The following FN1 variants were observed in gnomAD, a reference collection of about 807,000 sequenced individuals.
FN1 encodes fibronectin 1.
FN1 carries 106 observed loss-of-function variants against 297.3 expected under a neutral mutation model. The observed-to-expected ratio is 0.36, with a 90% CI of 0.30 to 0.42. The LOEUF is 0.42. Ranked by LOEUF, FN1 falls within the 10% of genes least tolerant of loss-of-function variation. The probability of loss-of-function intolerance (pLI) is 1.00; values close to 1 mark genes in which losing one functional copy is unlikely to be tolerated. For missense variants in FN1, 2,690 were observed against 3,124.9 expected, an observed-to-expected ratio of 0.86 and a Z score of 3.32; for synonymous variants, 1,149 against 1,152.6, an observed-to-expected ratio of 1.00 and a Z score of 0.06.
At chr2:215,408,259 A>G in intron 16 of FN1, 39 bp downstream of exon 16, 1 of 1,614,090 alleles carries the variant, frequency 6.2e-7, no homozygotes, top group Non-Finnish European at 8.5e-7. Flanking sequence ...TGTGTTTTAC[A>G]GAAAAAGATT....
Position 215,365,736 on chromosome 2 carries a change from G to A in FN1, c.7019-106C>T, listed in dbSNP as rs1575179632. On this transcript the variant is annotated intron_variant, in intron 42 of 45. Coordinates refer to ENST00000354785, the MANE Select transcript of FN1 (RefSeq NM_212482.4). ...CACAGGGTCTTCAGAACCATGATCT[G>A]GAAAAATAGCAAGTTAAAGATAAAA... The A allele has an allele frequency of 7.3e-6, 7 of 962,938 alleles. No individual in the cohort carries two copies. The African/African-American group carries it at 9.9e-5, about 14-fold the overall frequency. The allele number at this position is 962,938 out of a possible 1,614,324, so 59.6% of individuals were successfully genotyped here.
intron 23 of FN1, 39 bp downstream of exon 23, chr2:215,397,098 T>C (rs577287465): frequency 5.7e-6 from 7 of 1,220,376 alleles, no homozygotes; most frequent in Non-Finnish European, 8.5e-6. Context: ...CTTGGGAAGG[T>C]ATGGTGTATA....
intron 43 of FN1, 85 bp from the exon 44 acceptor site, chr2:215,365,070 T>C: frequency 1.2e-6 from 1 of 852,032 alleles, no homozygotes; most frequent in South Asian, 1.4e-5. Context: ...ATTTCTGTCC[T>C]AAATTTGTAT....
intron 6 of FN1, among the ~76,000 whole-genome samples, chr2:215,426,457 T>G (rs1486336965): frequency 3.3e-5 from 5 of 152,050 alleles, no homozygotes; most frequent in Non-Finnish European, 7.4e-5. Flanking sequence ...CGATCTTTTC[T>G]TTCAACTTTT....
At chr2:215,380,444 G>A (rs2058049264) in intron 33 of FN1, 2 of 276,576 alleles carry the variant, frequency 7.2e-6, no homozygotes, top group East Asian at 8.9e-5. Flanking sequence ...TGAAATGCCC[G>A]AGTTTGGGTT....
chr2:215,394,503 G>C lies in FN1; in HGVS notation c.3796+25C>G, dbSNP rs779231812. 5.7e-6 allele frequency: 9 copies of C among 1,579,948 alleles called. No individual in the cohort carries two copies. The South Asian group carries it at 8.9e-5, about 16-fold the overall frequency. ...ACTCTTATTGGAAGTGTCACTCTCA[G>C]GATAGCAGCTTATTTTTCTATTACC... On this transcript the variant is annotated intron_variant, in intron 24 of 45. Transcript: ENST00000354785.
intron 13 of FN1, among the ~76,000 whole-genome samples, chr2:215,411,417 G>A (rs1028996209): frequency 9.2e-5 from 14 of 152,276 alleles, no homozygotes; most frequent in Admixed American, 3.3e-4. Flanking sequence ...GAGAGTGATC[G>A]TAGTACTCTT....
intron 39 of FN1, 199 bp from the exon 40 acceptor site, chr2:215,372,574 T>C (rs1262769918): frequency 3.1e-5 from 19 of 615,592 alleles, no homozygotes; most frequent in Non-Finnish European, 4.9e-5. Context: ...TTCTTTATAG[T>C]TTAGAAAGAA....
chr2:215,431,676 T>C (rs1197498227), intron 4 of FN1, among the ~76,000 whole-genome samples, 157 bp downstream of exon 4: 1 of 152,232 alleles, frequency 6.6e-6, no homozygotes, highest in Non-Finnish European at 1.5e-5. Context: ...AAGAAGACTA[T>C]GGATTATATA....
chr2:215,427,001 G>A (rs975263885), intron 6 of FN1, among the ~76,000 whole-genome samples: 7 of 151,204 alleles, frequency 4.6e-5, no homozygotes, highest in African/African-American at 7.3e-5. Context: ...TCAGCCTCCC[G>A]AGTAGCTGGG....
At chr2:215,365,966 ATTTT>A (rs559516647) in intron 42 of FN1, among the ~76,000 whole-genome samples, 159 of 90,334 alleles carry the variant, frequency 1.8e-3, no homozygotes, top group East Asian at 8.3e-3. Flanking sequence ...CCACAGTGCT[ATTTT>A]TTTTTTTTTT....
chr2:215,365,405 G>C, intron 43 of FN1, 100 bp downstream of exon 43: 1 of 1,292,154 alleles, frequency 7.7e-7, no homozygotes, highest in Non-Finnish European at 1.1e-6. Context: ...TCCTCAAGGA[G>C]ACCTAAAGTC....
chr2:215,381,121 A>C, intron 32 of FN1, 41 bp from the exon 33 acceptor site: 2 of 1,605,718 alleles, frequency 1.2e-6, no homozygotes, highest in Non-Finnish European at 1.7e-6. Flanking sequence ...GTGAAAAGCA[A>C]GTTGTGAAAT....
chr2:215,394,828 T>A, intron 23 of FN1, 109 bp from the exon 24 acceptor site: 1 of 808,504 alleles, frequency 1.2e-6, no homozygotes, highest in South Asian at 1.4e-5. Context: ...GACTTGGCAT[T>A]TACTGAGGAC....
At chr2:215,366,999 T>C (rs1464801044) in intron 42 of FN1, among the ~76,000 whole-genome samples, 1 of 152,244 alleles carries the variant, frequency 6.6e-6, no homozygotes, top group Non-Finnish European at 1.5e-5. Context: ...CTGGATTAAA[T>C]GATTTCAAGT....
chr2:215,376,437 AAGCCC>A, intron 36 of FN1, 56 bp downstream of exon 36: 1 of 1,450,452 alleles, frequency 6.9e-7, no homozygotes, highest in Non-Finnish European at 9.7e-7. Context: ...AACAGTTAAT[AAGCCC>A]GTTTACATTG....
chr2:215,376,371 T>A, intron 36 of FN1, 127 bp downstream of exon 36: 1 of 865,944 alleles, frequency 1.2e-6, no homozygotes, highest in Admixed American at 1.9e-5. Context: ...AATAACGTTC[T>A]AAAACTGGGT....
At position 215,373,487 on chromosome 2, in the gene FN1, C is replaced by T. The variant is rs142228583; in HGVS notation, c.6158-76G>A. Reference sequence around the variant, plus strand: ...AGTGGAAGTCGGTCTCACCAGCAGACGCTACTGGGAGCAGGCACTTCCTCT... The same window carrying T: ...AGTGGAAGTCGGTCTCACCAGCAGATGCTACTGGGAGCAGGCACTTCCTCT... On this transcript the variant is annotated intron_variant, in intron 38 of 45. Coordinates refer to ENST00000354785, the MANE Select transcript of FN1 (RefSeq NM_212482.4). 1,176 of 1,192,860 alleles carry T rather than the reference C, an allele frequency of 9.9e-4. 2 individuals are homozygous for T. The highest frequency in any genetic ancestry group is 1.0e-3 in the Non-Finnish European group (805 of 800,218). 73.9% of individuals were successfully genotyped at this position (1,192,860 alleles called of 1,614,324 possible). A position where few individuals can be genotyped will look rare whatever the true frequency, so the allele number is the denominator to read the frequency against.
intron 35 of FN1, among the ~76,000 whole-genome samples, chr2:215,377,788 T>A (rs1250967910): frequency 6.6e-6 from 1 of 152,164 alleles, no homozygotes; most frequent in East Asian, 1.9e-4. Context: ...ATAAACTAGA[T>A]GTCAGTCATA....
Sources: gnomAD v4.1 joint callset for allele counts (sites outside exome capture counted in the v4.1 genomes callset) on GRCh38, gnomAD v4.1.1 for gene constraint, MANE v1.5 for transcripts, NCBI Gene and HGNC (gene_info 2026-07-23, HGNC 2026-07-21) for gene names.